The following FSHR variants were observed in gnomAD, a reference collection of about 807,000 sequenced individuals.
The protein encoded by FSHR is follicle-stimulating hormone receptor.
A neutral mutation model predicts 52.1 loss-of-function variants in FSHR; 46 were observed. The ratio of observed to expected loss-of-function variants is 0.88; its 90% CI spans 0.70 to 1.13. The LOEUF is 1.13. FSHR is among the 50% of genes most tolerant of loss of function. The probability of loss-of-function intolerance (pLI) is 0.00; values close to 1 mark genes in which losing one functional copy is unlikely to be tolerated. For missense variants in FSHR, 964 were observed against 834.6 expected, an observed-to-expected ratio of 1.16 and a Z score of -1.91; for synonymous variants, 399 against 309.6, an observed-to-expected ratio of 1.29 and a Z score of -3.03.
chr2:48,998,751 C>A (rs1284531520), intron 4 of FSHR, among the ~76,000 whole-genome samples: 1 of 150,952 alleles, frequency 6.6e-6, no homozygotes, highest in Non-Finnish European at 1.5e-5. Flanking sequence ...ATTACAATGA[C>A]CTCTTAAACT....
chr2:49,128,645 C>T (rs1672150004), intron 1 of FSHR, among the ~76,000 whole-genome samples: 1 of 151,530 alleles, frequency 6.6e-6, no homozygotes, highest in African/African-American at 2.4e-5. Context: ...CCTTCTTAAG[C>T]AGGGAGAATT....
intron 2 of FSHR, among the ~76,000 whole-genome samples, chr2:49,021,710 G>A (rs1667707172): frequency 6.6e-6 from 1 of 151,474 alleles, no homozygotes; most frequent in South Asian, 2.1e-4. Flanking sequence ...CCCCATGAAT[G>A]AGGAGACATT....
Position 48,963,305 on chromosome 2 carries a change from A to C in FSHR, c.1516T>G (p.Phe506Val). The change falls in exon 10 of 10, where the codon TTT becomes GTT. Residue 506 changes from phenylalanine to valine, a missense_variant. Physicochemically the swap from Phe to Val is conservative, Grantham distance 50 (BLOSUM62 -1). Coordinates refer to ENST00000406846, the MANE Select transcript of FSHR (RefSeq NM_000145.4). ...FAFAAALFPI[F>V]GISSYMKVSI... Reference sequence around the variant, plus strand: ...ACCTTCATGTAGCTGCTGATGCCAAAGATGGGAAAGAGGGCAGCTGCAAAA... The same window carrying C: ...ACCTTCATGTAGCTGCTGATGCCAACGATGGGAAAGAGGGCAGCTGCAAAA... 6.2e-7 allele frequency: 1 copy of C among 1,614,068 alleles called. No homozygotes were observed. Among genetic ancestry groups the C allele is most frequent in the South Asian group, 1.1e-5 (1 of 91,050 alleles).
At chr2:49,135,909 C>G (rs1672472008) in intron 1 of FSHR, among the ~76,000 whole-genome samples, 1 of 151,878 alleles carries the variant, frequency 6.6e-6, no homozygotes, top group African/African-American at 2.4e-5. Context: ...GTCATCTTCA[C>G]ATTGAGTAGG....
intron 1 of FSHR, among the ~76,000 whole-genome samples, chr2:49,072,569 G>T (rs1323745072): frequency 6.6e-6 from 1 of 152,092 alleles, no homozygotes; most frequent in Non-Finnish European, 1.5e-5. Context: ...AAACTTGAAA[G>T]TTGTTTAATA....
At chr2:49,133,550 C>T (rs1192161269) in intron 1 of FSHR, among the ~76,000 whole-genome samples, 1 of 152,108 alleles carries the variant, frequency 6.6e-6, no homozygotes, top group African/African-American at 2.4e-5. Context: ...ACTTTCTTCA[C>T]AGAATTGGAA....
chr2:49,062,453 T>C (rs1361864857), intron 2 of FSHR, among the ~76,000 whole-genome samples: 2 of 152,142 alleles, frequency 1.3e-5, no homozygotes, highest in African/African-American at 4.8e-5. Context: ...TCTGAAACTA[T>C]ATAAAACTTC....
intron 2 of FSHR, among the ~76,000 whole-genome samples, chr2:49,034,124 A>T (rs888909550): frequency 6.6e-5 from 10 of 152,206 alleles, no homozygotes; most frequent in African/African-American, 2.4e-4. Context: ...GGAGGGCTCA[A>T]ATGTTTAATA....
rs77721005 is a variant in FSHR, at chr2:48,965,698, G to A, written c.855-1732C>T. ...CCTTCACTTCCTATGGCTTATGGTCGCTGTCTGTGAAGGTTCTTATTGTTG... is the reference window on the plus strand; with the variant it reads ...CCTTCACTTCCTATGGCTTATGGTCACTGTCTGTGAAGGTTCTTATTGTTG... On this transcript the variant is annotated intron_variant, in intron 9 of 9. Transcript: ENST00000406846. Among the ~76,000 whole-genome samples, 19 of 152,254 alleles carry A rather than the reference G, an allele frequency of 1.2e-4. No homozygotes were observed. The East Asian group carries it at 3.1e-3, about 25-fold the overall frequency.
chr2:49,022,136 C>T (rs373495205), intron 2 of FSHR, among the ~76,000 whole-genome samples: 2 of 151,774 alleles, frequency 1.3e-5, no homozygotes, highest in South Asian at 4.2e-4. Context: ...GCAAATAAGG[C>T]CATCTCCTCT....
Position 48,982,974 on chromosome 2 carries a change from A to G in FSHR, c.606T>C (p.Asp202=), listed in dbSNP as rs770075009. The G allele has an allele frequency of 1.6e-5, 26 of 1,613,934 alleles. No individual in the cohort carries two copies. Among genetic ancestry groups the G allele is most frequent in the Non-Finnish European group, 2.2e-5 (26 of 1,179,900 alleles). ...TAGGCAATTCTTCTAAATTATTATT[A>G]TCGCTTAGATTCCTGGGGATGGGGT... The part of the protein sequence containing the change: ...GTQLDELNLS[D]NNNLEELPND... Residue 202 remains aspartate (D), a synonymous_variant, in exon 8 of 10, where the codon GAT becomes GAC. Coordinates refer to ENST00000406846, the MANE Select transcript of FSHR (RefSeq NM_000145.4).
intron 4 of FSHR, among the ~76,000 whole-genome samples, chr2:48,999,322 G>T (rs1010130909): frequency 6.6e-6 from 1 of 152,086 alleles, no homozygotes; most frequent in Non-Finnish European, 1.5e-5. Context: ...TAGAGTTGAG[G>T]ATGCTCAGCT....
chr2:49,154,380 C>G lies in FSHR; in HGVS notation c.38G>C (p.Ser13Thr). The change falls in exon 1 of 10, where the codon AGC (serine) becomes ACC (threonine). Residue 13 changes from serine to threonine, a missense_variant. Ser to Thr is a moderately conservative substitution (Grantham distance 58). Transcript: ENST00000406846. ...LLLVSLLAFL[S>T]LGSGCHHRIC... ...CCGATGATGACATCCTGAGCCCAAG[C>G]TCAGGAATGCCAGCAAAGAGACCAG... is the stretch of plus-strand genomic sequence containing the variant. 3 of 1,613,196 alleles carry G rather than the reference C, an allele frequency of 1.9e-6. No homozygotes were observed. The highest frequency in any genetic ancestry group is 2.5e-6 in the Non-Finnish European group (3 of 1,179,910).
intron 1 of FSHR, among the ~76,000 whole-genome samples, chr2:49,121,661 T>G (rs185826533): frequency 6.6e-6 from 1 of 152,360 alleles, no homozygotes; most frequent in Non-Finnish European, 1.5e-5. Context: ...TCTGGATACC[T>G]TGGTGCTTAT....
intron 2 of FSHR, among the ~76,000 whole-genome samples, chr2:49,063,244 A>G (rs1669378306): frequency 6.6e-6 from 1 of 152,078 alleles, no homozygotes; most frequent in African/African-American, 2.4e-5. Flanking sequence ...CCCTAAATTA[A>G]ACCAGCTTAA....
At chr2:49,073,109 T>A (rs1049332321) in intron 1 of FSHR, among the ~76,000 whole-genome samples, 1 of 152,046 alleles carries the variant, frequency 6.6e-6, no homozygotes, top group African/African-American at 2.4e-5. Flanking sequence ...ACAATTAACA[T>A]CTTATGGATG....
chr2:49,072,585 C>T (rs897647096), intron 1 of FSHR, among the ~76,000 whole-genome samples: 6 of 151,992 alleles, frequency 3.9e-5, no homozygotes, highest in African/African-American at 1.4e-4. Context: ...TAATAAGAAA[C>T]ATTGGTAAAA....
Position 49,075,842 on chromosome 2 carries a change from A to C in FSHR, c.153-7552T>G, listed in dbSNP as rs1604820. Reference sequence around the variant, plus strand: ...TTTGGGAGAGACAGGGTTTTACCATATTGCCCAGGCTGGTCTTCAACTCCT... The same window carrying C: ...TTTGGGAGAGACAGGGTTTTACCATCTTGCCCAGGCTGGTCTTCAACTCCT... On this transcript the variant is annotated intron_variant, in intron 1 of 9. Coordinates refer to ENST00000406846, the MANE Select transcript of FSHR (RefSeq NM_000145.4). Among the ~76,000 whole-genome samples the C allele has an allele frequency of 2.6e-5, 4 of 151,862 alleles. No homozygotes were observed. The South Asian group carries it at 8.3e-4, about 32-fold the overall frequency.
chr2:49,116,952 T>G (rs1367666093), intron 1 of FSHR, among the ~76,000 whole-genome samples: 4 of 152,204 alleles, frequency 2.6e-5, no homozygotes, highest in Non-Finnish European at 5.9e-5. Context: ...TGGAAACATT[T>G]TCAATCCAGC....
Sources: allele counts gnomAD v4.1 joint callset (sites outside exome capture counted in the v4.1 genomes callset), GRCh38; gene constraint gnomAD v4.1.1; transcripts MANE v1.5; gene names NCBI Gene and HGNC (gene_info 2026-07-23, HGNC 2026-07-21).